Variants in DEPDC1B observed in about 807,000 individuals in gnomAD.
The protein encoded by DEPDC1B is DEP domain containing 1B, also known as DEP domain-containing protein 1B.
In DEPDC1B, 51 loss-of-function variants were observed where a neutral mutation model predicts 66.5. The ratio of observed to expected loss-of-function variants is 0.77; its 90% CI spans 0.61 to 0.97. DEPDC1B has a LOEUF of 0.97. DEPDC1B is among the 50% of genes least tolerant of loss of function. The probability of loss-of-function intolerance (pLI) is 0.00; values close to 1 mark genes in which losing one functional copy is unlikely to be tolerated. For missense variants in DEPDC1B, 552 were observed against 637.1 expected (o/e 0.87, Z 1.44); for synonymous variants, 226 against 223.6 (o/e 1.01, Z -0.10).
At chr5:60,649,983 T>A (rs1163282280) in intron 2 of DEPDC1B, among the ~76,000 whole-genome samples, 2 of 151,924 alleles carry the variant, frequency 1.3e-5, no homozygotes, top group African/African-American at 4.8e-5. Flanking sequence ...ATGTTAATTT[T>A]CCCCCATGAA....
rs776026620 is a variant in DEPDC1B at position 60,597,743 on chromosome 5, G to A, written c.*10C>T. On this transcript the variant is annotated 3_prime_UTR_variant, in exon 11 of 11. Coordinates refer to ENST00000265036, the MANE Select transcript of DEPDC1B (RefSeq NM_018369.3). ...AGTGGTCTCTAGCACCTGTTGCTGTGGAAGTATTATTACATTCGAAAACTT... is the reference window on the plus strand; with the variant it reads ...AGTGGTCTCTAGCACCTGTTGCTGTAGAAGTATTATTACATTCGAAAACTT... 2 of 1,610,494 alleles carry A rather than the reference G, an allele frequency of 1.2e-6. No individual in the cohort carries two copies. Among genetic ancestry groups the A allele is most frequent in the East Asian group, 4.5e-5 (2 of 44,694 alleles).
Position 60,700,079 on chromosome 5 carries a change from G to A in DEPDC1B, c.15C>T (p.Ile5=). MEHR[I]VGPGPYRATR... ...TAGCTCGGTACGGCCCGGGCCCCAC[G>A]ATGCGATGCTCCATGGCGCGTAGGC... Residue 5 remains isoleucine, a synonymous_variant, in exon 1 of 11, where the codon ATC becomes ATT. Coordinates refer to ENST00000265036, the MANE Select transcript of DEPDC1B (RefSeq NM_018369.3). 1.9e-6 allele frequency: 3 copies of A among 1,557,406 alleles called. No homozygotes were observed. Among genetic ancestry groups the A allele is most frequent in the Non-Finnish European group, 2.6e-6 (3 of 1,152,946 alleles).
chr5:60,645,494 T>C lies in DEPDC1B; in HGVS notation c.576A>G (p.Ser192=). The change falls in exon 4 of 11, where the codon TCA becomes TCG. Residue 192 remains serine, a splice_region_variant and synonymous_variant. Coordinates refer to ENST00000265036, the MANE Select transcript of DEPDC1B (RefSeq NM_018369.3). The part of the protein sequence containing the change: ...VEEIWKSMTL[S]YLQKILGLDS... ...TCATTAATATCAAATGTACATACTA[T>C]GATAATGTCATAGACTTCCATATCT... 3 of 1,607,772 alleles carry C rather than the reference T, an allele frequency of 1.9e-6. No homozygotes were observed. Among genetic ancestry groups the C allele is most frequent in the Non-Finnish European group, 8.5e-7 (1 of 1,177,596 alleles).
chr5:60,651,989 T>C (rs1187207015), intron 2 of DEPDC1B, among the ~76,000 whole-genome samples: 1 of 131,778 alleles, frequency 7.6e-6, no homozygotes, highest in Admixed American at 7.4e-5. Context: ...ATAAAGGGTT[T>C]CAGCCTGTAT....
intron 1 of DEPDC1B, among the ~76,000 whole-genome samples, chr5:60,694,249 T>A (rs1754610158): frequency 6.6e-6 from 1 of 152,178 alleles, no homozygotes; most frequent in South Asian, 2.1e-4. Context: ...GTATATGTTA[T>A]CCTAAAACAC....
chr5:60,682,404 T>C (rs1754316024), intron 2 of DEPDC1B, among the ~76,000 whole-genome samples: 2 of 152,162 alleles, frequency 1.3e-5, no homozygotes, highest in Non-Finnish European at 2.9e-5. Flanking sequence ...TTAGGAGATA[T>C]ACCTAATGTT....
chr5:60,605,986 T>C (rs1460159609), intron 7 of DEPDC1B, 130 bp from the exon 8 acceptor site: 6 of 739,282 alleles, frequency 8.1e-6, no homozygotes, highest in Non-Finnish European at 1.0e-5. Flanking sequence ...CTATACTGGG[T>C]CAATTGAATA....
intron 2 of DEPDC1B, among the ~76,000 whole-genome samples, chr5:60,675,903 C>CTTTTTTTTTTTTTTTTTTTTTTT (rs35113345): frequency 7.2e-6 from 1 of 138,970 alleles, no homozygotes; most frequent in Non-Finnish European, 1.6e-5. Flanking sequence ...TTTCTTTTTT[C>CTTTTTTTTTTTTTTTTTTTTTTT]TTTTTTTTTT....
intron 9 of DEPDC1B, among the ~76,000 whole-genome samples, chr5:60,601,552 AT>A (rs1752199329): frequency 1.3e-5 from 2 of 152,246 alleles, no homozygotes; most frequent in African/African-American, 4.8e-5. Flanking sequence ...TTCTTAAAAA[AT>A]AATCACAGAT....
intron 1 of DEPDC1B, among the ~76,000 whole-genome samples, chr5:60,693,921 A>G (rs994378145): frequency 6.6e-6 from 1 of 152,140 alleles, no homozygotes; most frequent in African/African-American, 2.4e-5. Flanking sequence ...ATAATCATGA[A>G]CTAAAATTAC....
Position 60,642,823 on chromosome 5 carries a change from C to T in DEPDC1B, c.746G>A (p.Cys249Tyr). 1 of 1,610,622 alleles carries T rather than the reference C, an allele frequency of 6.2e-7. No individual in the cohort carries two copies. The highest frequency in any genetic ancestry group is 8.5e-7 in the Non-Finnish European group (1 of 1,178,892). The change falls in exon 6 of 11, where the codon TGT becomes TAT. Residue 249 changes from cysteine (C) to tyrosine (Y), a missense_variant. Coordinates refer to ENST00000265036, the MANE Select transcript of DEPDC1B (RefSeq NM_018369.3). ...TAATTAGTACTTACAATTTGCCAAA[C>T]ACTTCATAGCTGACAGCACCCAATG... ...LPHWVLSAMKCLANWPNCSDL... is the reference protein window; with the variant it reads ...LPHWVLSAMKYLANWPNCSDL...
intron 7 of DEPDC1B, among the ~76,000 whole-genome samples, chr5:60,634,995 G>T (rs1390538146): frequency 1.3e-5 from 2 of 149,450 alleles, no homozygotes; most frequent in Non-Finnish European, 3.0e-5. Context: ...GAAGATGGAG[G>T]TTGCGGTGAG....
At chr5:60,606,517 A>C (rs1280396032) in intron 7 of DEPDC1B, among the ~76,000 whole-genome samples, 2 of 150,520 alleles carry the variant, frequency 1.3e-5, no homozygotes, top group Non-Finnish European at 2.9e-5. Flanking sequence ...TCACGCCTGT[A>C]ATCTCAGCAC....
chr5:60,651,707 T>C (rs1753460223), intron 2 of DEPDC1B, among the ~76,000 whole-genome samples: 1 of 152,104 alleles, frequency 6.6e-6, no homozygotes, highest in Non-Finnish European at 1.5e-5. Flanking sequence ...GACTTCTTAA[T>C]AGAGGTTGAA....
At chr5:60,607,353 G>A (rs1393210137) in intron 7 of DEPDC1B, among the ~76,000 whole-genome samples, 8 of 152,156 alleles carry the variant, frequency 5.3e-5, no homozygotes, top group Non-Finnish European at 1.0e-4. Context: ...ACGTACTCAG[G>A]AATGCTGTTG....
chr5:60,665,134 A>G (rs1197436590), intron 2 of DEPDC1B, among the ~76,000 whole-genome samples: 1 of 152,224 alleles, frequency 6.6e-6, no homozygotes, highest in African/African-American at 2.4e-5. Context: ...ACTCAGCAGA[A>G]GAAATAGAAA....
At chr5:60,684,799 C>T (rs1225693311) in intron 2 of DEPDC1B, among the ~76,000 whole-genome samples, 5 of 151,996 alleles carry the variant, frequency 3.3e-5, no homozygotes, top group South Asian at 4.1e-4. Flanking sequence ...AGAGTAAACC[C>T]GTAGAATGGG....
At chr5:60,650,012 A>G (rs1753408108) in intron 2 of DEPDC1B, among the ~76,000 whole-genome samples, 1 of 151,874 alleles carries the variant, frequency 6.6e-6, no homozygotes, top group Non-Finnish European at 1.5e-5. Context: ...GTTACAAAGA[A>G]AATTTAATAA....
At chr5:60,656,784 C>G (rs983113009) in intron 2 of DEPDC1B, among the ~76,000 whole-genome samples, 1 of 152,128 alleles carries the variant, frequency 6.6e-6, no homozygotes, top group Non-Finnish European at 1.5e-5. Context: ...ATGAGGAAAA[C>G]TGTCCCCAGG....
Sources: allele counts gnomAD v4.1 joint callset (sites outside exome capture counted in the v4.1 genomes callset), GRCh38; gene constraint gnomAD v4.1.1; transcripts MANE v1.5; gene names NCBI Gene and HGNC (gene_info 2026-07-23, HGNC 2026-07-21).